JAKMIP3: variants seen among roughly 807,000 people sequenced by gnomAD.
The protein encoded by JAKMIP3 is janus kinase and microtubule-interacting protein 3.
Under a neutral mutation model 118.5 loss-of-function variants are expected in JAKMIP3, and 58 were observed. The ratio of observed to expected loss-of-function variants is 0.49; its 90% CI spans 0.40 to 0.61. The LOEUF (loss-of-function observed/expected upper bound fraction) is 0.61, where lower values mean the gene tolerates loss of function less well. JAKMIP3 is among the 20% of genes least tolerant of loss of function. JAKMIP3 has a pLI of 0.00. For synonymous variants in JAKMIP3, 486 were observed against 451.2 expected (o/e 1.08, Z -0.98); for missense variants, 950 against 1,109.0 (o/e 0.86, Z 2.04).
intron 4 of JAKMIP3, among the ~76,000 whole-genome samples, chr10:132,134,157 C>G (rs2051249092): frequency 1.3e-5 from 2 of 152,176 alleles, no homozygotes; most frequent in Admixed American, 1.3e-4. Flanking sequence ...CTGGGATGCG[C>G]TGGGGGATCT....
intron 10 of JAKMIP3, among the ~76,000 whole-genome samples, chr10:132,141,518 G>A (rs549762227): frequency 7.2e-5 from 11 of 152,280 alleles, no homozygotes; most frequent in East Asian, 3.9e-4. Flanking sequence ...TTCCCAGGAC[G>A]TGTTTCAGCA....
In JAKMIP3 at chr10:132,182,822, G is replaced by C. The variant is rs1270736034; in HGVS notation, c.*1569G>C. 6.6e-6 allele frequency: 1 copy of C among 152,168 alleles called. No homozygotes were observed. The highest frequency in any genetic ancestry group is 1.5e-5 in the Non-Finnish European group (1 of 68,030). 9.4% of individuals were successfully genotyped at this position (152,168 alleles called of 1,614,324 possible). On this transcript the variant is annotated 3_prime_UTR_variant, in exon 24 of 24. Transcript: ENST00000684848. ...AGATGACACGGTGGCTGCGGACCAG[G>C]CATGGCTCCCTAGGTTGAAATCAGG...
At position 132,140,545 on chromosome 10, in the gene JAKMIP3, A is replaced by T. The variant is rs1468927798; in HGVS notation, c.1439A>T (p.Gln480Leu). Reference protein sequence around the residue: ...SVSYQTDRTDQTPCTPDDDLE... With the variant: ...SVSYQTDRTDLTPCTPDDDLE... ...TCTTACCAAACAGACAGGACGGACCAGACCCCGTGCACCCCGGACGATGAC... is the reference window on the plus strand; with the variant it reads ...TCTTACCAAACAGACAGGACGGACCTGACCCCGTGCACCCCGGACGATGAC... The change falls in exon 10 of 24, where the codon CAG becomes CTG. Residue 480 changes from glutamine (Q) to leucine (L), a missense_variant. By Grantham distance (113) the Gln-to-Leu change is moderately radical. Coordinates refer to ENST00000684848, the MANE Select transcript of JAKMIP3 (RefSeq NM_001323087.2). The T allele has an allele frequency of 6.2e-7, 1 of 1,612,394 alleles. No individual in the cohort carries two copies. The highest frequency in any genetic ancestry group is 1.3e-5 in the African/African-American group (1 of 74,634).
rs2058121586 is a variant in JAKMIP3 at position 132,160,925 on chromosome 10, TCTCTTCCTGTGTGATGCTGGGTGGGC to T, written c.2221-2279_2221-2254del. ...CCTCTTCCTGTGTGATGCTAGGGGG[TCTCTTCCTGTGTGATGCTGGGTGGGC>T]CTCTCCCTGTGTGATGCTGGGTGGG... On this transcript the variant is annotated intron_variant, in intron 19 of 23. Coordinates refer to ENST00000684848, the MANE Select transcript of JAKMIP3 (RefSeq NM_001323087.2). 1.2e-3 allele frequency among the ~76,000 whole-genome samples: 3 copies of T among 2,538 alleles called. 1 individual carries two copies. The highest frequency in any genetic ancestry group is 1.6e-3 in the Non-Finnish European group (3 of 1,876). The allele number at this position is 2,538 out of a possible 152,430, so 1.7% of individuals were successfully genotyped here.
intron 23 of JAKMIP3, among the ~76,000 whole-genome samples, chr10:132,180,325 G>C (rs2060622681): frequency 6.8e-6 from 1 of 147,426 alleles, no homozygotes; most frequent in Admixed American, 7.2e-5. Flanking sequence ...ACCAAGGCCA[G>C]ACCCATGGAT....
chr10:132,153,845 C>T lies in JAKMIP3; in HGVS notation c.2142+18C>T, dbSNP rs368155516. ...GCGAGAAGGTTGGTGGCACCTTCAC[C>T]GAGGTTCTGCGGCTCGGTGCTGCAG... On this transcript the variant is annotated intron_variant, in intron 18 of 23. Coordinates refer to ENST00000684848, the MANE Select transcript of JAKMIP3 (RefSeq NM_001323087.2). The T allele has an allele frequency of 1.0e-4, 162 of 1,612,772 alleles. No homozygotes were observed. Among genetic ancestry groups the T allele is most frequent in the Admixed American group, 1.3e-4 (8 of 59,994 alleles).
chr10:132,117,912 T>C lies in JAKMIP3; in HGVS notation c.633+338T>C, dbSNP rs1254203846. ...GAAACCTAGAAATCGGCACTGCCCA[T>C]CCACACCGCAGGGTTCACGGACATC... On this transcript the variant is annotated intron_variant, in intron 3 of 23. Coordinates refer to ENST00000684848, the MANE Select transcript of JAKMIP3 (RefSeq NM_001323087.2). The surrounding 1 kb of genome is among the most constrained non-coding windows in gnomAD (Gnocchi z 8.6). 6.6e-6 allele frequency among the ~76,000 whole-genome samples: 1 copy of C among 152,138 alleles called. No homozygotes were observed. The highest frequency in any genetic ancestry group is 1.9e-4 in the East Asian group (1 of 5,182).
intron 1 of JAKMIP3, among the ~76,000 whole-genome samples, chr10:132,097,209 A>C (rs2043997422): frequency 6.6e-6 from 1 of 152,192 alleles, no homozygotes; most frequent in African/African-American, 2.4e-5. Context: ...TGGGCAATAA[A>C]CATCCAGCTG....
rs1311831198 is a variant in JAKMIP3 at position 132,117,879 on chromosome 10, C to T, written c.633+305C>T. Among the ~76,000 whole-genome samples, 1 of 152,156 alleles carries T rather than the reference C, an allele frequency of 6.6e-6. No individual in the cohort carries two copies. Among genetic ancestry groups the T allele is most frequent in the Non-Finnish European group, 1.5e-5 (1 of 68,022 alleles). On this transcript the variant is annotated intron_variant, in intron 3 of 23. Coordinates refer to ENST00000684848, the MANE Select transcript of JAKMIP3 (RefSeq NM_001323087.2). The surrounding 1 kb of genome is among the most constrained non-coding windows in gnomAD (Gnocchi z 8.6). ...CTCTACTTCCTTTCTTAACTTGGGC[C>T]ACAGCAAGAAACCTAGAAATCGGCA...
intron 1 of JAKMIP3, 35 bp from the exon 2 acceptor site, chr10:132,104,637 G>A (rs759322761): frequency 3.0e-6 from 2 of 672,182 alleles, no homozygotes; most frequent in Non-Finnish European, 5.0e-6. Context: ...CGGCTCCGGA[G>A]GGAGCTGCTC....
At chr10:132,088,024 GA>G (rs964054588) in intron 1 of JAKMIP3, among the ~76,000 whole-genome samples, 15 of 151,656 alleles carry the variant, frequency 9.9e-5, no homozygotes, top group African/African-American at 3.6e-4. Flanking sequence ...ATGTCCCTAC[GA>G]AGGACATGAA....
chr10:132,057,659 T>C (rs968797117), intron 1 of JAKMIP3, among the ~76,000 whole-genome samples: 3 of 152,140 alleles, frequency 2.0e-5, no homozygotes, highest in Admixed American at 2.0e-4. Context: ...TTGGCCTTCT[T>C]CTCCTTCCTG....
At chr10:132,083,032 CT>C (rs1250769327) in intron 1 of JAKMIP3, among the ~76,000 whole-genome samples, 4 of 152,208 alleles carry the variant, frequency 2.6e-5, no homozygotes, top group African/African-American at 9.7e-5. Context: ...ATAATGACTT[CT>C]TTTCCTCTGG....
chr10:132,153,625 G>A lies in JAKMIP3; in HGVS notation c.2074-134G>A, dbSNP rs1232402997. ...CAGCGCAGCCTCAACTCCCTGGAGA[G>A]GGCTGTGCTCTCCCCTCCCTAAGGA... is the stretch of plus-strand genomic sequence containing the variant. On this transcript the variant is annotated intron_variant, in intron 17 of 23. Transcript: ENST00000684848. The A allele has an allele frequency of 6.0e-6, 5 of 838,276 alleles. No homozygotes were observed. In the African/African-American group the frequency reaches 6.7e-5, roughly 11 times the overall value. 51.9% of individuals were successfully genotyped at this position (838,276 alleles called of 1,614,324 possible). A position where few individuals can be genotyped will look rare whatever the true frequency, so the allele number is the denominator to read the frequency against.
chr10:132,050,718 G>A (rs2038074165), intron 1 of JAKMIP3, among the ~76,000 whole-genome samples: 1 of 152,156 alleles, frequency 6.6e-6, no homozygotes, highest in South Asian at 2.1e-4. Flanking sequence ...CATTTTTTGT[G>A]GAGAACCTTC....
At chr10:132,115,198 CG>C (rs1182824932) in intron 2 of JAKMIP3, among the ~76,000 whole-genome samples, 1,445 of 97,062 alleles carry the variant, frequency 0.015, 20 homozygotes, top group African/African-American at 0.068. Context: ...CAGGTCACCG[CG>C]ATCGCGGCTA....
chr10:132,123,755 C>T (rs1351372502), intron 3 of JAKMIP3, among the ~76,000 whole-genome samples: 1 of 152,186 alleles, frequency 6.6e-6, no homozygotes, highest in Non-Finnish European at 1.5e-5. Flanking sequence ...CCACATGATG[C>T]TTTGGTTTTG....
At chr10:132,071,593 C>T (rs1025276628) in intron 1 of JAKMIP3, among the ~76,000 whole-genome samples, 7 of 152,096 alleles carry the variant, frequency 4.6e-5, no homozygotes, top group Non-Finnish European at 8.8e-5. Flanking sequence ...CCTGTTTCTA[C>T]TTCTGTTTCT....
chr10:132,053,770 C>T (rs563580916), intron 1 of JAKMIP3, among the ~76,000 whole-genome samples: 2 of 151,608 alleles, frequency 1.3e-5, no homozygotes, highest in African/African-American at 4.8e-5. Context: ...TGTGGTGGCT[C>T]ACGCCTGTAA....
Sources: allele counts gnomAD v4.1 joint callset (sites outside exome capture counted in the v4.1 genomes callset), GRCh38; gene constraint gnomAD v4.1.1; non-coding constraint Gnocchi (gnomAD v3.1); transcripts MANE v1.5; gene names NCBI Gene and HGNC (gene_info 2026-07-23, HGNC 2026-07-21).